The following CANX variants were observed in gnomAD, a reference collection of about 807,000 sequenced individuals.
CANX encodes calnexin.
Under a neutral mutation model 75.7 loss-of-function variants are expected in CANX, and 14 were observed. The ratio of observed to expected loss-of-function variants is 0.19; its 90% CI spans 0.12 to 0.29. CANX has a LOEUF of 0.29. CANX is among the 10% of genes least tolerant of loss of function. The pLI is 1.00. For missense variants in CANX, 567 were observed against 713.2 expected (o/e 0.79, Z 2.34); for synonymous variants, 227 against 236.9 (o/e 0.96, Z 0.38).
chr5:179,718,781 G>A (rs1778126607), intron 8 of CANX, among the ~76,000 whole-genome samples: 1 of 152,170 alleles, frequency 6.6e-6, no homozygotes, highest in African/African-American at 2.4e-5. Flanking sequence ...GCCCACCTTG[G>A]CCTCCCAAAG....
intron 7 of CANX, among the ~76,000 whole-genome samples, chr5:179,711,250 C>T (rs764325643): frequency 2.7e-5 from 4 of 148,232 alleles, no homozygotes; most frequent in Non-Finnish European, 4.5e-5. Context: ...TAGTCAGACC[C>T]TGTCTCTACA....
rs750641770 is a variant in CANX at position 179,723,769 on chromosome 5, G to A, written c.1508G>A (p.Cys503Tyr). Residue 503 changes from cysteine to tyrosine, a missense_variant, in exon 12 of 15, where the codon TGT (cysteine) becomes TAT (tyrosine). Cys to Tyr is a radical substitution (Grantham distance 194). Around this residue, in one of 3 missense-constraint regions of CANX, gnomAD observed 167 missense variants for 179.3 expected, o/e 0.93. Transcript: ENST00000247461. Reference sequence around the variant, plus strand: ...GTGTTCCTGGTTATCCTCTTCTGCTGTTCTGGAAAGGTAGGAAGTTTTTTT... The same window carrying A: ...GTGTTCCTGGTTATCCTCTTCTGCTATTCTGGAAAGGTAGGAAGTTTTTTT... The part of the protein sequence containing the change: ...LPVFLVILFC[C>Y]SGKKQTSGME... 3 of 1,601,760 alleles carry A rather than the reference G, an allele frequency of 1.9e-6. No homozygotes were observed. Among genetic ancestry groups the A allele is most frequent in the Non-Finnish European group, 2.6e-6 (3 of 1,176,094 alleles).
chr5:179,691,817 G>A (rs1581822261), intron 1 of CANX, among the ~76,000 whole-genome samples: 2 of 151,700 alleles, frequency 1.3e-5, no homozygotes, highest in East Asian at 1.9e-4. Context: ...TCGCTCTGTC[G>A]CCCAGGCTGG....
upstream of CANX, chr5:179,694,770 CAA>C (rs1776360686): frequency 3.8e-6 from 2 of 531,224 alleles, no homozygotes; most frequent in Non-Finnish European, 3.3e-6. Context: ...GATGAATAAA[CAA>C]AGTGTTTATC....
Position 179,720,256 on chromosome 5 carries a change from A to T in CANX, c.1026-148A>T, listed in dbSNP as rs1778225551. 7 of 474,896 alleles carry T rather than the reference A, an allele frequency of 1.5e-5. No individual in the cohort carries two copies. In the East Asian group the frequency reaches 2.3e-4, roughly 15 times the overall value. 29.4% of individuals were successfully genotyped at this position (474,896 alleles called of 1,614,324 possible). A position where few individuals can be genotyped will look rare whatever the true frequency, so the allele number is the denominator to read the frequency against. ...TTTTTAAAAAATAAATTTTTCCTGAAAAACTGTTATTACTGGAAATACAGG... is the reference window on the plus strand; with the variant it reads ...TTTTTAAAAAATAAATTTTTCCTGATAAACTGTTATTACTGGAAATACAGG... On this transcript the variant is annotated intron_variant, in intron 9 of 14. Transcript: ENST00000247461.
At chr5:179,685,913 ACTC>A (rs1178635537) in intron 1 of CANX, among the ~76,000 whole-genome samples, 1 of 150,864 alleles carries the variant, frequency 6.6e-6, no homozygotes, top group Non-Finnish European at 1.5e-5. Flanking sequence ...CTAGTCTCAA[ACTC>A]CTGACCTCAG....
chr5:179,711,051 T>C (rs554320417), intron 7 of CANX, among the ~76,000 whole-genome samples: 124 of 152,090 alleles, frequency 8.2e-4, no homozygotes, highest in African/African-American at 2.7e-3. Context: ...AGGAAGATTC[T>C]GTACCCCCTC....
At chr5:179,689,848 A>C (rs985991445) in intron 1 of CANX, among the ~76,000 whole-genome samples, 1 of 152,162 alleles carries the variant, frequency 6.6e-6, no homozygotes, top group Non-Finnish European at 1.5e-5. Flanking sequence ...AGGACATTTA[A>C]TGAAGACTTC....
upstream of CANX, among the ~76,000 whole-genome samples, chr5:179,696,276 T>G (rs1320877715): frequency 8.1e-6 from 1 of 123,778 alleles, no homozygotes; most frequent in Non-Finnish European, 1.7e-5. Context: ...TCTTTTTTTT[T>G]TTTTTTTTTT....
chr5:179,691,101 T>C (rs1013037985), intron 1 of CANX, among the ~76,000 whole-genome samples: 4 of 152,006 alleles, frequency 2.6e-5, no homozygotes, highest in Admixed American at 2.6e-4. Context: ...TCTTGGCTCA[T>C]GGCAACTTCT....
chr5:179,685,448 A>G lies in CANX; in HGVS notation c.-4+6671A>G, dbSNP rs12109504. ...TTTTTAGTAGAGACGGTGTTTCTCT[A>G]TGTTGGTCAGGCTGGTCTTGAACTC... On this transcript the variant is annotated intron_variant, in intron 1 of 14. Coordinates refer to the CANX transcript ENST00000681674. Among the ~76,000 whole-genome samples, 929 of 145,564 alleles carry G rather than the reference A, an allele frequency of 6.4e-3. 10 individuals carry two copies. Among genetic ancestry groups the G allele is most frequent in the African/African-American group, 0.022 (863 of 39,508 alleles).
intron 1 of CANX, among the ~76,000 whole-genome samples, chr5:179,701,457 G>T (rs186300275): frequency 6.4e-4 from 97 of 151,750 alleles, no homozygotes; most frequent in African/African-American, 2.3e-3. Flanking sequence ...TTAACCTCCA[G>T]CTACTCGGGA....
intron 14 of CANX, among the ~76,000 whole-genome samples, chr5:179,727,380 C>G (rs973166447): frequency 5.3e-5 from 8 of 152,144 alleles, no homozygotes; most frequent in African/African-American, 1.4e-4. Context: ...GGCGGGTCAC[C>G]ATGTTAAAAC....
intron 7 of CANX, among the ~76,000 whole-genome samples, chr5:179,715,106 T>C (rs193238586): frequency 1.4e-3 from 220 of 152,304 alleles, no homozygotes; most frequent in African/African-American, 5.1e-3. Flanking sequence ...CACAGAAATA[T>C]TCATTTTCAT....
intron 6 of CANX, chr5:179,709,666 T>A (rs1777391811): frequency 5.0e-6 from 2 of 401,282 alleles, no homozygotes; most frequent in South Asian, 4.6e-5. Flanking sequence ...TGTGCATTAC[T>A]TTTTTTTAGA....
chr5:179,698,498 C>T (rs1309918204), upstream of CANX: 1 of 1,289,398 alleles, frequency 7.8e-7, no homozygotes, highest in Non-Finnish European at 1.0e-6. Context: ...ACGGGCCCTT[C>T]CTGATGGCCG....
At chr5:179,725,986 C>CAA (rs796996311) in intron 13 of CANX, among the ~76,000 whole-genome samples, 10 of 63,004 alleles carry the variant, frequency 1.6e-4, no homozygotes, top group Non-Finnish European at 2.0e-4. Context: ...GACTGAGTCT[C>CAA]AAAAAAAAAA....
At chr5:179,686,407 T>A (rs530344174) in intron 1 of CANX, among the ~76,000 whole-genome samples, 2 of 151,988 alleles carry the variant, frequency 1.3e-5, no homozygotes, top group African/African-American at 4.8e-5. Context: ...CATCTTTTTT[T>A]TTTTTTAGTG....
In CANX at chr5:179,722,915, G is replaced by T. The variant is rs148399587; in HGVS notation, c.1294G>T (p.Asp432Tyr). 1.0e-4 allele frequency: 169 copies of T among 1,613,856 alleles called. No individual in the cohort carries two copies. Among genetic ancestry groups the T allele is most frequent in the Non-Finnish European group, 1.4e-4 (161 of 1,179,912 alleles). Reference protein sequence around the residue: ...IGLELWSMTSDIFFDNFIICA... With the variant: ...IGLELWSMTSYIFFDNFIICA... ...TTTGGAGCTGTGGTCCATGACCTCTGACATTTTTTTTGACAACTTTATCAT... is the reference window on the plus strand; with the variant it reads ...TTTGGAGCTGTGGTCCATGACCTCTTACATTTTTTTTGACAACTTTATCAT... The change falls in exon 11 of 15, where the codon GAC becomes TAC. Residue 432 changes from aspartate (D) to tyrosine (Y), a missense_variant. Around this residue, in one of 3 missense-constraint regions of CANX, gnomAD observed 49 missense variants for 100.1 expected, o/e 0.49. Coordinates refer to ENST00000247461, the MANE Select transcript of CANX (RefSeq NM_001746.4).
Sources: gnomAD v4.1 joint callset for allele counts (sites outside exome capture counted in the v4.1 genomes callset) on GRCh38, gnomAD v4.1.1 for gene constraint, gnomAD v4.1.1 regional missense constraint, MANE v1.5 for transcripts, NCBI Gene and HGNC (gene_info 2026-07-23, HGNC 2026-07-21) for gene names.